Variants in NCKAP1 observed in about 807,000 individuals in gnomAD.
NCKAP1 encodes the protein NCK associated protein 1, also known as nck-associated protein 1.
In NCKAP1, 21 loss-of-function variants were observed where a neutral mutation model predicts 151.2. That is an observed-to-expected ratio of 0.14 (90% CI 0.10 to 0.20). The LOEUF is 0.20. Among genes scored for constraint, NCKAP1 ranks in the 10% least tolerant of loss-of-function variants. NCKAP1 has a pLI of 1.00. For missense variants in NCKAP1, 933 were observed against 1,352.1 expected (o/e 0.69, Z 4.86); for synonymous variants, 484 against 451.8 (o/e 1.07, Z -0.90).
chr2:182,994,409 G>A (rs1435016449), intron 8 of NCKAP1, among the ~76,000 whole-genome samples: 4 of 151,932 alleles, frequency 2.6e-5, no homozygotes, highest in African/African-American at 7.3e-5. Flanking sequence ...AGGCCGAGGC[G>A]GGCAGATCAC....
At chr2:182,998,637 C>T (rs1405385679) in intron 6 of NCKAP1, among the ~76,000 whole-genome samples, 1 of 151,864 alleles carries the variant, frequency 6.6e-6, no homozygotes, top group African/African-American at 2.4e-5. Context: ...TGAGACAAGC[C>T]TGGTCAACAT....
intron 1 of NCKAP1, among the ~76,000 whole-genome samples, chr2:183,024,721 G>C (rs556147790): frequency 4.1e-4 from 62 of 152,298 alleles, no homozygotes; most frequent in African/African-American, 1.4e-3. Flanking sequence ...CTGCTTGCTA[G>C]CGAGATGTTA....
rs188993293 is a variant in NCKAP1, at chr2:182,995,424, A to G, written c.741+277T>C. Among the ~76,000 whole-genome samples the G allele has an allele frequency of 2.2e-3, 334 of 152,282 alleles. 1 individual carries two copies. The highest frequency in any genetic ancestry group is 3.5e-3 in the Admixed American group (54 of 15,292). ...TTGGGGTGATTTTTGTTTTTGCTTTATACTTCAAATTTTTCTACCATGATA... is the reference window on the plus strand; with the variant it reads ...TTGGGGTGATTTTTGTTTTTGCTTTGTACTTCAAATTTTTCTACCATGATA... On this transcript the variant is annotated intron_variant, in intron 7 of 30. Coordinates refer to ENST00000361354, the MANE Select transcript of NCKAP1 (RefSeq NM_013436.5).
At position 182,914,313 on chromosome 2, in the gene NCKAP1, T is replaced by C. The variant is rs1001770059; in HGVS notation, c.*11389A>G. 6.6e-6 allele frequency: 1 copy of C among 152,176 alleles called. No individual in the cohort carries two copies. The highest frequency in any genetic ancestry group is 2.4e-5 in the African/African-American group (1 of 41,436). The allele number at this position is 152,176 out of a possible 1,614,324, so 9.4% of individuals were successfully genotyped here. ...AATATATTATTTCTAACTTTTATAG[T>C]TTATGTGAAATGGGGAAGGCAAGTG... is the stretch of plus-strand genomic sequence containing the variant. On this transcript the variant is annotated 3_prime_UTR_variant, in exon 31 of 31. Transcript: ENST00000361354.
intron 19 of NCKAP1, chr2:182,957,064 T>C (rs538168647): frequency 6.0e-6 from 1 of 166,526 alleles, no homozygotes; most frequent in South Asian, 1.9e-4. Flanking sequence ...TGGTCTGTTA[T>C]TTCTGTTTTA....
chr2:182,982,915 A>G lies in NCKAP1; in HGVS notation c.1114T>C (p.Phe372Leu), dbSNP rs1227587168. The stretch of plus-strand genomic sequence containing the variant: ...TCACGGGCAAAGGATAATGCCATAA[A>G]AACAAAAAGTGCCTGTTTAAAAAAA... ...GLLGPKALFVFMALSFARDEI... is the reference protein window; with the variant it reads ...GLLGPKALFVLMALSFARDEI... Residue 372 changes from phenylalanine to leucine, a missense_variant, in exon 12 of 31, where the codon TTT becomes CTT. Phe to Leu is a conservative substitution (Grantham distance 22). Around this residue, in one of 2 missense-constraint regions of NCKAP1, gnomAD observed 607 missense variants for 795.0 expected, o/e 0.76. Transcript: ENST00000361354. 1 of 1,599,708 alleles carries G rather than the reference A, an allele frequency of 6.3e-7. No homozygotes were observed. The highest frequency in any genetic ancestry group is 8.5e-7 in the Non-Finnish European group (1 of 1,174,516).
chr2:183,003,104 G>A, intron 3 of NCKAP1, 74 bp from the exon 4 acceptor site: 1 of 1,392,652 alleles, frequency 7.2e-7, no homozygotes, highest in East Asian at 2.4e-5. Flanking sequence ...AACAAATAAG[G>A]TATGTGTTAA....
At chr2:182,990,523 T>C (rs550917795) in intron 8 of NCKAP1, among the ~76,000 whole-genome samples, 2 of 152,320 alleles carry the variant, frequency 1.3e-5, no homozygotes, top group African/African-American at 4.8e-5. Flanking sequence ...AATCTGGAAA[T>C]CCTATATAAA....
intron 18 of NCKAP1, among the ~76,000 whole-genome samples, chr2:182,960,686 T>C (rs1697428405): frequency 6.6e-6 from 1 of 152,116 alleles, no homozygotes; most frequent in African/African-American, 2.4e-5. Flanking sequence ...AGACTTCATG[T>C]CTAAAACACC....
chr2:182,939,911 T>G (rs1437341627), intron 24 of NCKAP1, among the ~76,000 whole-genome samples: 1 of 152,210 alleles, frequency 6.6e-6, no homozygotes, highest in African/African-American at 2.4e-5. Context: ...AATTTAGATT[T>G]TGGTTTTGGC....
At chr2:183,000,301 G>T (rs1383080974) in intron 6 of NCKAP1, among the ~76,000 whole-genome samples, 2 of 152,114 alleles carry the variant, frequency 1.3e-5, no homozygotes. Flanking sequence ...ACTATATACT[G>T]AATTTGTTAA....
At chr2:182,960,164 A>G (rs1482792291) in intron 18 of NCKAP1, among the ~76,000 whole-genome samples, 2 of 152,198 alleles carry the variant, frequency 1.3e-5, no homozygotes, top group Admixed American at 1.3e-4. Flanking sequence ...GCCCAAGGTA[A>G]TTTATAGATT....
intron 23 of NCKAP1, among the ~76,000 whole-genome samples, chr2:182,942,403 G>C (rs910251963): frequency 6.6e-6 from 1 of 152,008 alleles, no homozygotes; most frequent in Non-Finnish European, 1.5e-5. Flanking sequence ...AAGCAACAAA[G>C]GTAAGTAGTA....
Position 183,038,142 on chromosome 2 carries a change from A to T in NCKAP1, c.-43T>A. On this transcript the variant is annotated 5_prime_UTR_variant, in exon 1 of 31. Coordinates refer to ENST00000361354, the MANE Select transcript of NCKAP1 (RefSeq NM_013436.5). Reference sequence around the variant, plus strand: ...CGCCGCCGCCGGCCGCCTCGCGCCCAGTCACGGGCCCGCGGCCTTCGCAGC... The same window carrying T: ...CGCCGCCGCCGGCCGCCTCGCGCCCTGTCACGGGCCCGCGGCCTTCGCAGC... 2.8e-6 allele frequency: 4 copies of T among 1,436,100 alleles called. No individual in the cohort carries two copies. Among genetic ancestry groups the T allele is most frequent in the Non-Finnish European group, 3.7e-6 (4 of 1,079,972 alleles). 89.0% of individuals were successfully genotyped at this position (1,436,100 alleles called of 1,614,324 possible). A position where few individuals can be genotyped will look rare whatever the true frequency, so the allele number is the denominator to read the frequency against.
At chr2:182,969,100 T>A (rs973979516) in intron 15 of NCKAP1, among the ~76,000 whole-genome samples, 5 of 152,234 alleles carry the variant, frequency 3.3e-5, no homozygotes, top group Non-Finnish European at 5.9e-5. Context: ...GCTGTGGCCA[T>A]GAATTCAATA....
chr2:182,978,963 A>T (rs778227662), intron 13 of NCKAP1, 48 bp from the exon 14 acceptor site: 1 of 1,306,848 alleles, frequency 7.7e-7, no homozygotes, highest in Non-Finnish European at 1.1e-6. Context: ...TAGTTGGGAA[A>T]CAACTCAGGT....
chr2:183,020,026 G>T (rs1698765222), intron 2 of NCKAP1, among the ~76,000 whole-genome samples: 1 of 151,486 alleles, frequency 6.6e-6, no homozygotes, highest in South Asian at 2.1e-4. Flanking sequence ...ATTCTAAAGG[G>T]ATTAAAAAGT....
In NCKAP1 at chr2:182,930,722, C is replaced by T; in HGVS notation, c.2926G>A (p.Val976Ile). 3 of 1,613,314 alleles carry T rather than the reference C, an allele frequency of 1.9e-6. No individual in the cohort carries two copies. The highest frequency in any genetic ancestry group is 2.5e-6 in the Non-Finnish European group (3 of 1,179,400). The change falls in exon 27 of 31, where the codon GTC becomes ATC. Residue 976 changes from valine to isoleucine, a missense_variant. Physicochemically the swap from Val to Ile is conservative, Grantham distance 29. Transcript: ENST00000361354. ...GATTTTTGTGAAGAAAGAGCTACGA[C>T]CAATGCAGGATCAATCTCACAAGGT... is the stretch of plus-strand genomic sequence containing the variant. ...GLPCEIDPAL[V>I]VALSSQKSEN...
At chr2:183,037,147 AT>A (rs1699117426) in intron 1 of NCKAP1, among the ~76,000 whole-genome samples, 1 of 152,266 alleles carries the variant, frequency 6.6e-6, no homozygotes, top group South Asian at 2.1e-4. Context: ...TACTGAGGAC[AT>A]GTAAAAGCCT....
Sources: allele counts gnomAD v4.1 joint callset (sites outside exome capture counted in the v4.1 genomes callset), GRCh38; gene constraint gnomAD v4.1.1; regional missense constraint gnomAD v4.1.1; transcripts MANE v1.5; gene names NCBI Gene and HGNC (gene_info 2026-07-23, HGNC 2026-07-21).